Variants in GTF2H2C observed in about 807,000 individuals in gnomAD.
GTF2H2C encodes general transcription factor IIH subunit 2-like protein.
GTF2H2C carries 5 observed loss-of-function variants against 24.8 expected under a neutral mutation model. The ratio of observed to expected loss-of-function variants is 0.20; its 90% CI spans 0.11 to 0.42. GTF2H2C has a LOEUF of 0.42. Among genes scored for constraint, GTF2H2C ranks in the 20% least tolerant of loss-of-function variants. The probability of loss-of-function intolerance (pLI) is 1.00; values close to 1 mark genes in which losing one functional copy is unlikely to be tolerated. For missense variants in GTF2H2C, 45 were observed against 169.8 expected (o/e 0.27, Z 4.08); for synonymous variants, 14 against 52.6 (o/e 0.27, Z 3.18).
In GTF2H2C at chr5:69,572,511, C is replaced by G. The variant is rs200619279; in HGVS notation, c.431C>G (p.Ser144Cys). 6.4e-7 allele frequency: 1 copy of G among 1,566,020 alleles called. No individual in the cohort carries two copies. Among genetic ancestry groups the G allele is most frequent in the South Asian group, 1.2e-5 (1 of 85,950 alleles). Reference sequence around the variant, plus strand: ...GATATGACCTGCCATGGAGAGCCATCTCTTTATAATTCCCTAAGCATGGCT... The same window carrying G: ...GATATGACCTGCCATGGAGAGCCATGTCTTTATAATTCCCTAAGCATGGCT... Reference protein sequence around the residue: ...AVDMTCHGEPSLYNSLSMAMQ... With the variant: ...AVDMTCHGEPCLYNSLSMAMQ... Residue 144 changes from serine (S) to cysteine (C), a missense_variant, in exon 9 of 17, where the codon TCT becomes TGT. Ser to Cys is a moderately radical substitution (Grantham distance 112, BLOSUM62 -1). Transcript: ENST00000380729.
In GTF2H2C at chr5:69,593,938, G is replaced by GAAAAAAAAAAAAAAAAAAAAAAAAAAAA. The variant is rs1174187959; in HGVS notation, c.*1766_*1767insAAAAAAAAAAAAAAAAAAAAAAAAAAAA. On this transcript the variant is annotated 3_prime_UTR_variant, in exon 17 of 17. Transcript: ENST00000380729. ...GCGACAGAGCTAGACTCTGTCTCAA[G>GAAAAAAAAAAAAAAAAAAAAAAAAAAAA]AAAAAAAAAAAAAAAAAAAAAAAAA... is the stretch of plus-strand genomic sequence containing the variant. Among the ~76,000 whole-genome samples, 1 of 41,768 alleles carries GAAAAAAAAAAAAAAAAAAAAAAAAAAAA rather than the reference G, an allele frequency of 2.4e-5. No individual in the cohort carries two copies. Among genetic ancestry groups the GAAAAAAAAAAAAAAAAAAAAAAAAAAAA allele is most frequent in the African/African-American group, 1.1e-4 (1 of 9,470 alleles). 27.4% of individuals were successfully genotyped at this position (41,768 alleles called of 152,430 possible).
At chr5:69,560,689 T>C (rs1770259960) in intron 1 of GTF2H2C, 1 of 151,214 alleles carries the variant, frequency 6.6e-6, no homozygotes, top group African/African-American at 2.4e-5. Flanking sequence ...GTAACGGGAA[T>C]CACACCAGTA....
intron 9 of GTF2H2C, chr5:69,572,842 A>G (rs1357938878): frequency 1.5e-5 from 1 of 68,746 alleles, no homozygotes; most frequent in Non-Finnish European, 3.0e-5. Context: ...GATTTAATAT[A>G]GTATAATAAT....
chr5:69,573,562 TA>T, intron 9 of GTF2H2C, among the ~76,000 whole-genome samples: 1 of 11,456 alleles, frequency 8.7e-5, no homozygotes. Flanking sequence ...GTAATAGAGG[TA>T]AGTACAGTAG....
chr5:69,594,436 T>TACACAC lies in GTF2H2C; in HGVS notation c.*2275_*2280dup, dbSNP rs67773295. The TACACAC allele has an allele frequency of 0.042, 6,077 of 144,944 alleles. 42 individuals are homozygous for TACACAC. Among genetic ancestry groups the TACACAC allele is most frequent in the African/African-American group, 0.062 (2,476 of 39,680 alleles). 9.0% of individuals were successfully genotyped at this position (144,944 alleles called of 1,614,324 possible). On this transcript the variant is annotated 3_prime_UTR_variant, in exon 17 of 17. Transcript: ENST00000380729. ...GGAGCCCAGGAATATTCATTTTTAA[T>TACACAC]ACACACACACACACACACACACACA...
chr5:69,594,428 A>C lies in GTF2H2C; in HGVS notation c.*2230A>C, dbSNP rs1428355463. On this transcript the variant is annotated 3_prime_UTR_variant, in exon 17 of 17. Coordinates refer to ENST00000380729, the MANE Select transcript of GTF2H2C (RefSeq NM_001376000.2). ...GTTTATTGGGAGCCCAGGAATATTC[A>C]TTTTTAATACACACACACACACACA... The C allele has an allele frequency of 1.7e-5, 2 of 120,518 alleles. No individual in the cohort carries two copies. Among genetic ancestry groups the C allele is most frequent in the South Asian group, 3.0e-4 (1 of 3,336 alleles). 7.5% of individuals were successfully genotyped at this position (120,518 alleles called of 1,614,324 possible).
In GTF2H2C at chr5:69,560,674, C is replaced by T. The variant is rs1201442071; in HGVS notation, c.-132+271C>T. The T allele has an allele frequency of 9.3e-5, 14 of 150,660 alleles. 1 individual carries two copies. The highest frequency in any genetic ancestry group is 9.3e-4 in the Admixed American group (14 of 15,072). 9.3% of individuals were successfully genotyped at this position (150,660 alleles called of 1,614,324 possible). A position where few individuals can be genotyped will look rare whatever the true frequency, so the allele number is the denominator to read the frequency against. On this transcript the variant is annotated intron_variant, in intron 1 of 16. Transcript: ENST00000380729. ...ATTTGTTGGCAGATAGCATTCCGAG[C>T]TCATGTAACGGGAATCACACCAGTA...
chr5:69,561,720 G>C (rs1770366752), intron 1 of GTF2H2C, among the ~76,000 whole-genome samples: 1 of 151,794 alleles, frequency 6.6e-6, no homozygotes, highest in Non-Finnish European at 1.5e-5. Context: ...AGTGAACATA[G>C]TAGCCTCGAC....
At chr5:69,566,736 T>A in intron 5 of GTF2H2C, 111 bp downstream of exon 5, 2 of 509,034 alleles carry the variant, frequency 3.9e-6, no homozygotes, top group Non-Finnish European at 6.2e-6. Flanking sequence ...AAAGAATATG[T>A]TAAAAATACG....
rs1454772197 is a variant in GTF2H2C at position 69,560,361 on chromosome 5, A to T, written c.-174A>T. The stretch of plus-strand genomic sequence containing the variant: ...AGGTTGAATTGCCCTGCCTGGGCTC[A>T]TAGGGAAGGAGGATGTGAAGGAGCT... On this transcript the variant is annotated 5_prime_UTR_variant, in exon 1 of 17. Transcript: ENST00000380729. 1 of 149,908 alleles carries T rather than the reference A, an allele frequency of 6.7e-6. No homozygotes were observed. The highest frequency in any genetic ancestry group is 1.5e-5 in the Non-Finnish European group (1 of 67,252). The allele number at this position is 149,908 out of a possible 1,614,324, so 9.3% of individuals were successfully genotyped here.
chr5:69,566,248 A>G (rs1272541381), intron 4 of GTF2H2C, 40 bp downstream of exon 4: 11 of 1,603,382 alleles, frequency 6.9e-6, no homozygotes, highest in Admixed American at 1.7e-5. Context: ...GGTAAAATAT[A>G]TTCATTTTAA....
Position 69,574,988 on chromosome 5 carries a change from G to A in GTF2H2C, c.470+2438G>A, listed in dbSNP as rs1164993652. 3.1e-4 allele frequency among the ~76,000 whole-genome samples: 4 copies of A among 12,872 alleles called. 1 individual carries two copies. The highest frequency in any genetic ancestry group is 8.1e-4 in the Non-Finnish European group (4 of 4,944). The allele number at this position is 12,872 out of a possible 152,430, so 8.4% of individuals were successfully genotyped here. A position where few individuals can be genotyped will look rare whatever the true frequency, so the allele number is the denominator to read the frequency against. On this transcript the variant is annotated intron_variant, in intron 9 of 16. Transcript: ENST00000380729. ...AAAAAAATTAGCCAGGCACAGTGGC[G>A]AGCACCTGTATGTAGTCCCTAACTT...
At chr5:69,562,211 C>T (rs1400344957) in intron 1 of GTF2H2C, among the ~76,000 whole-genome samples, 12 of 152,104 alleles carry the variant, frequency 7.9e-5, no homozygotes, top group African/African-American at 1.7e-4. Flanking sequence ...CCCAGCTACT[C>T]GGGAGGCTGA....
intron 3 of GTF2H2C, chr5:69,565,796 G>A: frequency 1.2e-5 from 4 of 327,476 alleles, no homozygotes; most frequent in South Asian, 8.9e-5. Flanking sequence ...GCATTTCTCA[G>A]AATGTATCCC....
In GTF2H2C at chr5:69,594,483, C is replaced by G. The variant is rs1420588954; in HGVS notation, c.*2285C>G. ...CACACACACACACACACACACTGAT[C>G]AGAGTAACGGGAGTTTCTCTCAGGA... On this transcript the variant is annotated 3_prime_UTR_variant, in exon 17 of 17. Transcript: ENST00000380729. 3 of 137,078 alleles carry G rather than the reference C, an allele frequency of 2.2e-5. No individual in the cohort carries two copies. Among genetic ancestry groups the G allele is most frequent in the African/African-American group, 5.6e-5 (2 of 35,790 alleles). 8.5% of individuals were successfully genotyped at this position (137,078 alleles called of 1,614,324 possible).
At position 69,594,712 on chromosome 5, in the gene GTF2H2C, A is replaced by C. The variant is rs2112282915; in HGVS notation, c.*2514A>C. The C allele has an allele frequency of 1.1e-5, 1 of 93,556 alleles. No homozygotes were observed. Among genetic ancestry groups the C allele is most frequent in the South Asian group, 4.5e-4 (1 of 2,230 alleles). 5.8% of individuals were successfully genotyped at this position (93,556 alleles called of 1,614,324 possible). The stretch of plus-strand genomic sequence containing the variant: ...GGCCTTCATTAGTTACCTTTTGAGA[A>C]GTTACTAGAACTCTCTATTAGAGAC... On this transcript the variant is annotated 3_prime_UTR_variant, in exon 17 of 17. Coordinates refer to ENST00000380729, the MANE Select transcript of GTF2H2C (RefSeq NM_001376000.2).
chr5:69,568,454 T>A lies in GTF2H2C; in HGVS notation c.364+247T>A, dbSNP rs154424. The A allele has an allele frequency of 5.3e-3, 2,377 of 449,060 alleles. 98 individuals are homozygous for A. The African/African-American group carries it at 0.056, about 11-fold the overall frequency. The allele number at this position is 449,060 out of a possible 1,614,324, so 27.8% of individuals were successfully genotyped here. A position where few individuals can be genotyped will look rare whatever the true frequency, so the allele number is the denominator to read the frequency against. Reference sequence around the variant, plus strand: ...TTGAATATAAATGTTTTTATTTAAATTCTATATGTGCTTATCCTGAAATTT... The same window carrying A: ...TTGAATATAAATGTTTTTATTTAAAATCTATATGTGCTTATCCTGAAATTT... On this transcript the variant is annotated intron_variant, in intron 8 of 16. Coordinates refer to ENST00000380729, the MANE Select transcript of GTF2H2C (RefSeq NM_001376000.2).
chr5:69,592,899 T>A lies in GTF2H2C; in HGVS notation c.*701T>A. ...CTCCACCCTAGAGTAAGACTCCCTC[T>A]CAAAAAAAAAAAAAGTTATGAAATT... On this transcript the variant is annotated 3_prime_UTR_variant, in exon 17 of 17. Coordinates refer to ENST00000380729, the MANE Select transcript of GTF2H2C (RefSeq NM_001376000.2). 3.9e-5 allele frequency: 1 copy of A among 25,520 alleles called. No homozygotes were observed. Among genetic ancestry groups the A allele is most frequent in the Non-Finnish European group, 8.8e-5 (1 of 11,412 alleles). 1.6% of individuals were successfully genotyped at this position (25,520 alleles called of 1,614,324 possible).
In GTF2H2C at chr5:69,565,121, GT is replaced by G; in HGVS notation, c.-8del. 1 of 590,586 alleles carries G rather than the reference GT, an allele frequency of 1.7e-6. No homozygotes were observed. 36.6% of individuals were successfully genotyped at this position (590,586 alleles called of 1,614,324 possible). On this transcript the variant is annotated 5_prime_UTR_variant, in exon 3 of 17. Coordinates refer to ENST00000380729, the MANE Select transcript of GTF2H2C (RefSeq NM_001376000.2). The stretch of plus-strand genomic sequence containing the variant: ...ACAGATTATTGAATAATAAAATACA[GT>G]TTTGAAAAAAATGGATGAAGAACCT...
Sources: allele counts gnomAD v4.1 joint callset (sites outside exome capture counted in the v4.1 genomes callset), GRCh38; gene constraint gnomAD v4.1.1; transcripts MANE v1.5; gene names NCBI Gene and HGNC (gene_info 2026-07-23, HGNC 2026-07-21).